Variants in LRP2BP observed in about 807,000 individuals in gnomAD.
LRP2BP encodes the protein LRP2-binding protein.
A neutral mutation model predicts 45.2 loss-of-function variants in LRP2BP; 38 were observed. That is an observed-to-expected ratio of 0.84 (90% CI 0.65 to 1.10). LRP2BP has a LOEUF of 1.10. LRP2BP is among the 50% of genes least tolerant of loss of function. The pLI, the probability that LRP2BP is intolerant of heterozygous loss-of-function variation, is 0.00. For missense variants in LRP2BP, 385 were observed against 418.9 expected, an observed-to-expected ratio of 0.92 and a Z score of 0.71; for synonymous variants, 153 against 153.9, an observed-to-expected ratio of 0.99 and a Z score of 0.04.
chr4:185,374,001 T>C (rs1352402815), intron 6 of LRP2BP, 134 bp downstream of exon 6: 10 of 733,896 alleles, frequency 1.4e-5, no homozygotes. Context: ...GATCCTAAAA[T>C]GTATGCTTTC....
chr4:185,371,018 GTCT>G, intron 7 of LRP2BP: 1 of 511,134 alleles, frequency 2.0e-6, no homozygotes, highest in Admixed American at 3.1e-5. Context: ...GACTTCACAT[GTCT>G]CTGTAATTAT....
At chr4:185,371,358 T>A (rs28637604) in intron 7 of LRP2BP, among the ~76,000 whole-genome samples, 1 of 151,578 alleles carries the variant, frequency 6.6e-6, no homozygotes, top group African/African-American at 2.4e-5. Flanking sequence ...GCTAACATGG[T>A]GAAACCCCGT....
chr4:185,381,911 G>C (rs757620639), intron 1 of LRP2BP, among the ~76,000 whole-genome samples: 1 of 152,096 alleles, frequency 6.6e-6, no homozygotes, highest in South Asian at 2.1e-4. Flanking sequence ...CCCTTTTAAA[G>C]TGTACAATTC....
chr4:185,396,741 G>A, upstream of LRP2BP: 1 of 656,734 alleles, frequency 1.5e-6, no homozygotes, highest in Non-Finnish European at 2.7e-6. Flanking sequence ...GGTCGTTGAG[G>A]ATTAGGCTGC....
intron 4 of LRP2BP, 117 bp downstream of exon 4, chr4:185,375,496 A>ATG (rs2095432439): frequency 1.4e-5 from 1 of 69,074 alleles, no homozygotes; most frequent in South Asian, 6.0e-4. Flanking sequence ...AAATATATAT[A>ATG]TATATATATA....
Position 185,366,872 on chromosome 4 carries a change from C to G in LRP2BP, c.*308G>C, listed in dbSNP as rs1308706938. 5 of 191,550 alleles carry G rather than the reference C, an allele frequency of 2.6e-5. No individual in the cohort carries two copies. Among genetic ancestry groups the G allele is most frequent in the South Asian group, 1.9e-4 (1 of 5,226 alleles). 11.9% of individuals were successfully genotyped at this position (191,550 alleles called of 1,614,324 possible). On this transcript the variant is annotated 3_prime_UTR_variant, in exon 9 of 9. Transcript: ENST00000505916. ...AAGCTAAACTAAGTATTTTTGGAGA[C>G]TCGGTGTTTAAGAAAGGATAAACGA...
intron 1 of LRP2BP, among the ~76,000 whole-genome samples, chr4:185,385,718 AG>A (rs2095469104): frequency 2.0e-5 from 3 of 151,442 alleles, no homozygotes; most frequent in Admixed American, 2.0e-4. Flanking sequence ...CTGGCCAAAA[AG>A]GTGAAACTCC....
At chr4:185,391,298 T>C (rs1012693061) in intron 1 of LRP2BP, among the ~76,000 whole-genome samples, 2 of 152,238 alleles carry the variant, frequency 1.3e-5, no homozygotes, top group Non-Finnish European at 2.9e-5. Context: ...GAACAATTAC[T>C]GGCCATGGCA....
chr4:185,387,265 G>C (rs772291386), intron 1 of LRP2BP, among the ~76,000 whole-genome samples: 1 of 152,190 alleles, frequency 6.6e-6, no homozygotes, highest in Non-Finnish European at 1.5e-5. Context: ...CGTGTGAACT[G>C]TGGATTATGT....
At chr4:185,387,255 C>T (rs1580008582) in intron 1 of LRP2BP, among the ~76,000 whole-genome samples, 1 of 152,130 alleles carries the variant, frequency 6.6e-6, no homozygotes, top group Non-Finnish European at 1.5e-5. Context: ...AAAAAACCAC[C>T]GTGTGAACTG....
chr4:185,370,969 G>T, intron 7 of LRP2BP, 155 bp from the exon 8 acceptor site: 1 of 688,600 alleles, frequency 1.5e-6, no homozygotes, highest in Non-Finnish European at 2.4e-6. Context: ...GTCCATGTAG[G>T]CACCTCATAC....
At chr4:185,397,050 T>C, upstream of LRP2BP, 4 of 1,609,804 alleles carry the variant, frequency 2.5e-6, no homozygotes, top group South Asian at 3.3e-5. Context: ...GGGCGCTGCC[T>C]GGTCAGAGCT....
At chr4:185,380,511 G>GT (rs1425522190) in intron 1 of LRP2BP, among the ~76,000 whole-genome samples, 1 of 152,110 alleles carries the variant, frequency 6.6e-6, no homozygotes, top group African/African-American at 2.4e-5. Context: ...CTCTGCCTCT[G>GT]TGTTTACATG....
At chr4:185,375,807 G>C (rs1030454199) in intron 3 of LRP2BP, 81 bp from the exon 4 acceptor site, 2 of 789,116 alleles carry the variant, frequency 2.5e-6, no homozygotes, top group Non-Finnish European at 4.0e-6. Context: ...TCAAGTGTTT[G>C]TGCCCAAGTT....
intron 1 of LRP2BP, chr4:185,378,482 A>C: frequency 8.7e-7 from 1 of 1,149,114 alleles, no homozygotes; most frequent in Non-Finnish European, 1.1e-6. Context: ...ATGGGTTTAT[A>C]CATCAAGATG....
rs143171117 is a variant in LRP2BP at position 185,371,335 on chromosome 4, T to C, written c.804-521A>G. Among the ~76,000 whole-genome samples the C allele has an allele frequency of 4.0e-3, 611 of 151,982 alleles. 6 individuals are homozygous for C. Among genetic ancestry groups the C allele is most frequent in the East Asian group, 0.016 (82 of 5,142 alleles). ...CAGGCGGATCACGAGGTTAGGAGATTGAGACCATCCTGGCTAACATGGTGA... is the reference window on the plus strand; with the variant it reads ...CAGGCGGATCACGAGGTTAGGAGATCGAGACCATCCTGGCTAACATGGTGA... On this transcript the variant is annotated intron_variant, in intron 7 of 8. Coordinates refer to ENST00000505916, the MANE Select transcript of LRP2BP (RefSeq NM_001377440.1).
upstream of LRP2BP, chr4:185,396,085 G>A (rs1363896472): frequency 5.9e-6 from 1 of 169,870 alleles, no homozygotes; most frequent in African/African-American, 2.4e-5. Context: ...CGGGAGGAGA[G>A]CCCGGCGTGG....
At chr4:185,380,624 TCTTAA>T (rs2095453234) in intron 1 of LRP2BP, among the ~76,000 whole-genome samples, 1 of 152,194 alleles carries the variant, frequency 6.6e-6, no homozygotes. Context: ...CATGACTTCC[TCTTAA>T]CTTGATTACA....
At chr4:185,378,314 C>T in intron 1 of LRP2BP, 107 bp from the exon 2 acceptor site, 1 of 1,479,724 alleles carries the variant, frequency 6.8e-7, no homozygotes, top group Non-Finnish European at 8.9e-7. Flanking sequence ...ATCCTTCTCT[C>T]ATCGCCTAGA....
Sources: gnomAD v4.1 joint callset for allele counts (sites outside exome capture counted in the v4.1 genomes callset) on GRCh38, gnomAD v4.1.1 for gene constraint, MANE v1.5 for transcripts, NCBI Gene and HGNC (gene_info 2026-07-23, HGNC 2026-07-21) for gene names.